ARHGAP32: variants seen among roughly 807,000 people sequenced by gnomAD.
The protein encoded by ARHGAP32 is rho GTPase-activating protein 32.
Under a neutral mutation model 186.5 loss-of-function variants are expected in ARHGAP32, and 51 were observed. The observed-to-expected ratio is 0.27, with a 90% CI of 0.22 to 0.35. The LOEUF is 0.35. Among genes scored for constraint, ARHGAP32 ranks in the 10% least tolerant of loss-of-function variants. The pLI, the probability that ARHGAP32 is intolerant of heterozygous loss-of-function variation, is 1.00. For missense variants in ARHGAP32, 2,186 were observed against 2,623.5 expected (o/e 0.83, Z 3.64); for synonymous variants, 950 against 964.3 (o/e 0.99, Z 0.27).
Position 129,208,069 on chromosome 11 carries a change from T to C in ARHGAP32, c.-4-43642A>G, listed in dbSNP as rs146418847. Among the ~76,000 whole-genome samples the C allele has an allele frequency of 3.0e-3, 461 of 152,264 alleles. 2 individuals carry two copies. The highest frequency in any genetic ancestry group is 4.9e-3 in the Non-Finnish European group (332 of 68,014). ...AGATTCCACCTAGTATGTTTGCCAC[T>C]CTGATTCATTCCTACCGTTTTAAAA... On this transcript the variant is annotated intron_variant, in intron 1 of 6. Coordinates refer to the ARHGAP32 transcript ENST00000525234.
intron 10 of ARHGAP32, among the ~76,000 whole-genome samples, chr11:129,061,246 C>T (rs1226629367): frequency 1.3e-5 from 2 of 152,044 alleles, no homozygotes; most frequent in South Asian, 4.1e-4. Context: ...GTTAAGGATA[C>T]AACTTTAAGG....
intron 1 of ARHGAP32, among the ~76,000 whole-genome samples, chr11:129,233,083 T>C (rs1944880118): frequency 6.6e-6 from 1 of 152,140 alleles, no homozygotes; most frequent in South Asian, 2.1e-4. Flanking sequence ...TGGAGTATAA[T>C]GCTATTTTTA....
intron 5 of ARHGAP32, among the ~76,000 whole-genome samples, chr11:129,107,494 T>C (rs75611336): frequency 0.012 from 1,797 of 152,298 alleles, 39 homozygotes; most frequent in African/African-American, 0.041. Flanking sequence ...CATTCATAAA[T>C]GTATGTTATT....
chr11:129,134,372 T>C (rs1942890723), intron 2 of ARHGAP32, among the ~76,000 whole-genome samples: 1 of 152,230 alleles, frequency 6.6e-6, no homozygotes, highest in South Asian at 2.1e-4. Context: ...ATCATTATTC[T>C]GGAGTGCCTC....
intron 10 of ARHGAP32, among the ~76,000 whole-genome samples, chr11:129,051,935 C>G (rs972577680): frequency 1.4e-4 from 15 of 104,308 alleles, no homozygotes; most frequent in Admixed American, 1.2e-3. Flanking sequence ...AGCCTGGTGA[C>G]ACAGCAAGAT....
At position 129,256,329 on chromosome 11, in the gene ARHGAP32, G is replaced by A. The variant is rs190398353; in HGVS notation, c.-5+22817C>T. Among the ~76,000 whole-genome samples, 577 of 152,118 alleles carry A rather than the reference G, an allele frequency of 3.8e-3. 2 individuals carry two copies. Among genetic ancestry groups the A allele is most frequent in the Non-Finnish European group, 7.2e-3 (487 of 67,976 alleles). On this transcript the variant is annotated intron_variant, in intron 1 of 6. Transcript: ENST00000525234. Reference sequence around the variant, plus strand: ...ATTTTTAAAAAGGAAAAAAAAGACCGCAATTAATTCTGGTATGGAGGGAGA... The same window carrying A: ...ATTTTTAAAAAGGAAAAAAAAGACCACAATTAATTCTGGTATGGAGGGAGA...
intron 1 of ARHGAP32, among the ~76,000 whole-genome samples, chr11:129,179,507 C>A (rs867425525): frequency 5.3e-5 from 8 of 151,288 alleles, no homozygotes; most frequent in African/African-American, 1.9e-4. Flanking sequence ...ATGTTTATTG[C>A]GGCATTATTC....
rs1565343923 is a variant in ARHGAP32 at position 128,969,538 on chromosome 11, C to T, written c.5675G>A (p.Arg1892Lys). Residue 1892 changes from arginine to lysine, a missense_variant, in exon 23 of 23, where the codon AGG becomes AAG. Physicochemically the swap from Arg to Lys is conservative, Grantham distance 26. Around this residue, in one of 5 missense-constraint regions of ARHGAP32, gnomAD observed 1,502 missense variants for 1,570.0 expected, o/e 0.96. Transcript: ENST00000682385. This position sits in a 1 kb window ranked among gnomAD's most constrained non-coding sequence, Gnocchi z 4.8. Reference sequence around the variant, plus strand: ...CCTATGGCTTGCTTCTTGGTGTGCCCTGTGCTCAGGAAGACTGCAGCCCAT... The same window carrying T: ...CCTATGGCTTGCTTCTTGGTGTGCCTTGTGCTCAGGAAGACTGCAGCCCAT... ...PDMGCSLPEH[R>K]AHQEASHRQF... 3 of 1,614,156 alleles carry T rather than the reference C, an allele frequency of 1.9e-6. No homozygotes were observed. The highest frequency in any genetic ancestry group is 2.5e-6 in the Non-Finnish European group (3 of 1,180,040).
intron 6 of ARHGAP32, among the ~76,000 whole-genome samples, chr11:129,085,556 T>C (rs1941362590): frequency 6.6e-6 from 1 of 152,156 alleles, no homozygotes; most frequent in African/African-American, 2.4e-5. Flanking sequence ...ACAGATTCAA[T>C]ACAATTCCAG....
intron 11 of ARHGAP32, among the ~76,000 whole-genome samples, chr11:129,000,526 G>T (rs1946327504): frequency 6.6e-6 from 1 of 152,074 alleles, no homozygotes; most frequent in Admixed American, 6.6e-5. Context: ...ATATTTATGG[G>T]TACGTATTTT....
intron 10 of ARHGAP32, among the ~76,000 whole-genome samples, chr11:129,061,968 C>T (rs931908747): frequency 1.3e-5 from 2 of 152,050 alleles, no homozygotes; most frequent in South Asian, 2.1e-4. Context: ...ATGTGAATCC[C>T]GATTAACAAC....
chr11:128,974,752 T>C lies in ARHGAP32; in HGVS notation c.2445A>G (p.Gln815=), dbSNP rs764520450. The C allele has an allele frequency of 5.0e-6, 8 of 1,614,082 alleles. No individual in the cohort carries two copies. The East Asian group carries it at 6.7e-5, about 13-fold the overall frequency. ...CTGATTCGGCCTTAGGAGGACTACATTGAAATGACATTGGATCAAAATCCA... is the reference window on the plus strand; with the variant it reads ...CTGATTCGGCCTTAGGAGGACTACACTGAAATGACATTGGATCAAAATCCA... ...ASLDFDPMSF[Q]CSPPKAESEC... The change falls in exon 21 of 23, where the codon CAA becomes CAG. Residue 815 remains glutamine (Q), a synonymous_variant. Coordinates refer to ENST00000682385, the MANE Select transcript of ARHGAP32 (RefSeq NM_001378024.1).
chr11:129,218,828 T>C (rs935730943), intron 1 of ARHGAP32, among the ~76,000 whole-genome samples: 3 of 152,188 alleles, frequency 2.0e-5, no homozygotes, highest in Non-Finnish European at 4.4e-5. Flanking sequence ...TACTGCAGGT[T>C]AGATTCTCCA....
intron 7 of ARHGAP32, among the ~76,000 whole-genome samples, chr11:129,065,626 G>A (rs977536724): frequency 1.3e-5 from 2 of 152,114 alleles, no homozygotes; most frequent in South Asian, 2.1e-4. Context: ...AAAGAGATCC[G>A]TGTTTTAAGA....
intron 12 of ARHGAP32, among the ~76,000 whole-genome samples, chr11:128,989,515 TTC>T (rs1491195724): frequency 3.0e-3 from 265 of 87,230 alleles, no homozygotes; most frequent in Admixed American, 4.9e-3. Flanking sequence ...TGTTTTTTAT[TTC>T]ACACACACAC....
At chr11:129,143,730 G>T (rs1413480699) in intron 2 of ARHGAP32, among the ~76,000 whole-genome samples, 1 of 148,308 alleles carries the variant, frequency 6.7e-6, no homozygotes, top group Non-Finnish European at 1.5e-5. Flanking sequence ...GGAAAGAAAA[G>T]AAATCATACA....
At chr11:129,034,040 G>A (rs906171749) in intron 11 of ARHGAP32, among the ~76,000 whole-genome samples, 6 of 151,950 alleles carry the variant, frequency 3.9e-5, no homozygotes, top group East Asian at 1.9e-4. Flanking sequence ...CTTCTAAATC[G>A]TCTTTGGTAT....
chr11:129,151,063 A>G (rs1045918525), intron 2 of ARHGAP32, among the ~76,000 whole-genome samples: 6 of 152,162 alleles, frequency 3.9e-5, no homozygotes, highest in Non-Finnish European at 8.8e-5. Flanking sequence ...AACCAAATGC[A>G]AGGAGGAGTA....
At chr11:129,194,752 T>TC (rs1944369191), upstream of ARHGAP32, among the ~76,000 whole-genome samples, 1 of 150,246 alleles carries the variant, frequency 6.7e-6, no homozygotes, top group African/African-American at 2.5e-5. Context: ...AAACTCCGTC[T>TC]CAAAAAAAAA....
Sources: allele counts gnomAD v4.1 joint callset (sites outside exome capture counted in the v4.1 genomes callset), GRCh38; gene constraint gnomAD v4.1.1; regional missense constraint gnomAD v4.1.1; non-coding constraint Gnocchi (gnomAD v3.1); transcripts MANE v1.5; gene names NCBI Gene and HGNC (gene_info 2026-07-23, HGNC 2026-07-21).